FAF1: variants seen among roughly 807,000 people sequenced by gnomAD.
FAF1 encodes the protein Fas associated factor 1, also known as FAS-associated factor 1.
FAF1 carries 25 observed loss-of-function variants against 92.5 expected under a neutral mutation model. That is an observed-to-expected ratio of 0.27 (90% CI 0.20 to 0.38). FAF1 has a LOEUF of 0.38. Ranked by LOEUF, FAF1 falls within the 10% of genes least tolerant of loss-of-function variation. The pLI is 1.00. For synonymous variants in FAF1, 234 were observed against 273.2 expected, an observed-to-expected ratio of 0.86 and a Z score of 1.42; for missense variants, 636 against 793.3, an observed-to-expected ratio of 0.80 and a Z score of 2.38.
chr1:50,843,323 T>A (rs1423570435), intron 2 of FAF1, among the ~76,000 whole-genome samples: 1 of 152,206 alleles, frequency 6.6e-6, no homozygotes, highest in East Asian at 1.9e-4. Context: ...GATACAAGCA[T>A]ACAATGTACA....
chr1:50,943,561 G>T (rs1356464238), intron 1 of FAF1, among the ~76,000 whole-genome samples: 1 of 152,124 alleles, frequency 6.6e-6, no homozygotes, highest in African/African-American at 2.4e-5. Context: ...TGTTGTCATT[G>T]GTTAGTTCAG....
intron 13 of FAF1, among the ~76,000 whole-genome samples, chr1:50,565,690 T>G (rs1650148487): frequency 6.6e-6 from 1 of 152,114 alleles, no homozygotes; most frequent in African/African-American, 2.4e-5. Flanking sequence ...CAAAAGAAAC[T>G]ACACTGCAAT....
At chr1:50,786,285 A>C (rs1661362307) in intron 4 of FAF1, among the ~76,000 whole-genome samples, 1 of 152,262 alleles carries the variant, frequency 6.6e-6, no homozygotes, top group South Asian at 2.1e-4. Flanking sequence ...TTTAAGAAGA[A>C]GAAAATCCTG....
At chr1:50,638,067 T>C (rs925535042) in intron 8 of FAF1, among the ~76,000 whole-genome samples, 21 of 152,172 alleles carry the variant, frequency 1.4e-4, no homozygotes, top group Admixed American at 2.0e-4. Context: ...TTGGATAGAA[T>C]TGCGAGTCAT....
chr1:50,895,934 C>G (rs1054785667), intron 1 of FAF1, among the ~76,000 whole-genome samples: 1 of 152,148 alleles, frequency 6.6e-6, no homozygotes, highest in Non-Finnish European at 1.5e-5. Flanking sequence ...AAACCCACAG[C>G]TAGCATCATA....
chr1:50,770,206 C>T (rs1403631634), intron 4 of FAF1, among the ~76,000 whole-genome samples: 1 of 152,106 alleles, frequency 6.6e-6, no homozygotes, highest in African/African-American at 2.4e-5. Context: ...AAAAGGATGC[C>T]CTCTCTCACC....
chr1:50,941,296 G>A (rs750260552), intron 1 of FAF1, among the ~76,000 whole-genome samples: 5 of 152,090 alleles, frequency 3.3e-5, no homozygotes, highest in Non-Finnish European at 5.9e-5. Context: ...TGCAACCTCC[G>A]CCTCCTGGGT....
chr1:50,483,517 G>A (rs1358210512), intron 17 of FAF1, among the ~76,000 whole-genome samples: 1 of 152,214 alleles, frequency 6.6e-6, no homozygotes, highest in East Asian at 1.9e-4. Flanking sequence ...AGAAAATCTT[G>A]TAGATATTTG....
chr1:50,725,913 T>C (rs1247518277), intron 6 of FAF1, among the ~76,000 whole-genome samples: 1 of 152,186 alleles, frequency 6.6e-6, no homozygotes, highest in Non-Finnish European at 1.5e-5. Context: ...AGTGATATGC[T>C]TGACTGCAGG....
intron 7 of FAF1, among the ~76,000 whole-genome samples, chr1:50,693,949 T>G (rs1657054501): frequency 6.8e-6 from 1 of 147,780 alleles, no homozygotes; most frequent in Non-Finnish European, 1.5e-5. Flanking sequence ...ATTTACTATA[T>G]TTCTGATATT....
chr1:50,599,102 CTGTGT>C (rs1035552950), intron 8 of FAF1, among the ~76,000 whole-genome samples: 28 of 152,124 alleles, frequency 1.8e-4, no homozygotes, highest in African/African-American at 6.7e-4. Flanking sequence ...GACTTTTTCA[CTGTGT>C]TGTATTTATT....
intron 1 of FAF1, among the ~76,000 whole-genome samples, chr1:50,921,657 A>C (rs1214625441): frequency 1.3e-5 from 2 of 151,940 alleles, no homozygotes; most frequent in African/African-American, 4.8e-5. Context: ...GAGTACATGG[A>C]GTAGTCCTAG....
intron 15 of FAF1, among the ~76,000 whole-genome samples, chr1:50,507,842 A>G (rs1229950098): frequency 1.3e-5 from 2 of 152,232 alleles, no homozygotes; most frequent in East Asian, 3.8e-4. Context: ...GATATTTCAG[A>G]TCTTATTTTT....
At chr1:50,498,072 A>G (rs924641693) in intron 15 of FAF1, among the ~76,000 whole-genome samples, 5 of 152,314 alleles carry the variant, frequency 3.3e-5, no homozygotes, top group African/African-American at 1.2e-4. Context: ...ATATAGAAAA[A>G]TGAAATAGAA....
At chr1:50,725,140 C>T (rs1314613498) in intron 6 of FAF1, among the ~76,000 whole-genome samples, 1 of 152,176 alleles carries the variant, frequency 6.6e-6, no homozygotes, top group African/African-American at 2.4e-5. Context: ...TCCAATTTGG[C>T]TACTGATTTC....
At chr1:50,866,528 C>T (rs888832179) in intron 1 of FAF1, among the ~76,000 whole-genome samples, 16 of 151,996 alleles carry the variant, frequency 1.1e-4, no homozygotes, top group African/African-American at 3.9e-4. Context: ...AAATCAGTAG[C>T]ACTGCTATAC....
At chr1:50,757,449 G>T (rs1017883262) in intron 4 of FAF1, among the ~76,000 whole-genome samples, 14 of 152,120 alleles carry the variant, frequency 9.2e-5, no homozygotes, top group African/African-American at 3.4e-4. Context: ...TATATACACA[G>T]TTAGGATACT....
intron 8 of FAF1, among the ~76,000 whole-genome samples, chr1:50,617,022 A>G (rs139464190): frequency 6.6e-6 from 1 of 152,280 alleles, no homozygotes; most frequent in Non-Finnish European, 1.5e-5. Context: ...TAAATTGTCT[A>G]TCAGTTCTAG....
At chr1:50,752,874 G>A (rs761239943) in intron 4 of FAF1, among the ~76,000 whole-genome samples, 1 of 151,966 alleles carries the variant, frequency 6.6e-6, no homozygotes, top group Non-Finnish European at 1.5e-5. Flanking sequence ...AGTAGAGATG[G>A]GGTTTCACCA....
Sources: gnomAD v4.1 joint callset for allele counts (sites outside exome capture counted in the v4.1 genomes callset) on GRCh38, gnomAD v4.1.1 for gene constraint, MANE v1.5 for transcripts, NCBI Gene and HGNC (gene_info 2026-07-23, HGNC 2026-07-21) for gene names.